Variants in PARD3B observed in about 807,000 individuals in gnomAD.
The protein encoded by PARD3B is par-3 family cell polarity regulator beta, also known as partitioning defective 3 homolog B.
A neutral mutation model predicts 130.2 loss-of-function variants in PARD3B; 103 were observed. The ratio of observed to expected loss-of-function variants is 0.79; its 90% CI spans 0.67 to 0.93. PARD3B has a LOEUF of 0.93. Among genes scored for constraint, PARD3B ranks in the 40% least tolerant of loss-of-function variants. The pLI, the probability that PARD3B is intolerant of heterozygous loss-of-function variation, is 0.00. For missense variants in PARD3B, 1,609 were observed against 1,499.2 expected, an observed-to-expected ratio of 1.07 and a Z score of -1.21; for synonymous variants, 583 against 553.2, an observed-to-expected ratio of 1.05 and a Z score of -0.76.
Position 205,321,308 on chromosome 2 carries a change from A to AT in PARD3B, c.2630+19614dup, listed in dbSNP as rs1050201227. Among the ~76,000 whole-genome samples the AT allele has an allele frequency of 3.3e-5, 5 of 152,152 alleles. No individual in the cohort carries two copies. Among genetic ancestry groups the AT allele is most frequent in the Non-Finnish European group, 5.9e-5 (4 of 68,012 alleles). On this transcript the variant is annotated intron_variant, in intron 18 of 22. Coordinates refer to ENST00000406610, the MANE Select transcript of PARD3B (RefSeq NM_001302769.2). The surrounding 1 kb of genome is among the most constrained non-coding windows in gnomAD (Gnocchi z 4.2). ...ATGTCTTTTTAACCTCAAAACTTAG[A>AT]TTTTTTTAAAGTTTGTATTATGAAA...
rs189011166 is a variant in PARD3B, at chr2:205,323,272, T to A, written c.2630+21571T>A. On this transcript the variant is annotated intron_variant, in intron 18 of 22. Transcript: ENST00000406610. ...GATAGCACTGTAAGTGTTTTAAGAA[T>A]GTGGATATGTCATCACTTTTACAGC... 2.6e-3 allele frequency among the ~76,000 whole-genome samples: 400 copies of A among 152,246 alleles called. 3 individuals carry two copies. Among genetic ancestry groups the A allele is most frequent in the African/African-American group, 9.3e-3 (387 of 41,534 alleles).
chr2:205,615,628 C>A lies in PARD3B; in HGVS notation c.3433C>A (p.Pro1145Thr), dbSNP rs757379037. The A allele has an allele frequency of 5.6e-6, 9 of 1,613,956 alleles. No individual in the cohort carries two copies. In the African/African-American group the frequency reaches 8.0e-5, roughly 14 times the overall value. ...TCTCCGGTATCCTCAGCACTACCCACCCCCGCCAGCTCCCCAGCACAAAGG... is the reference window on the plus strand; with the variant it reads ...TCTCCGGTATCCTCAGCACTACCCAACCCCGCCAGCTCCCCAGCACAAAGG... ...ADLRYPQHYP[P>T]PPAPQHKGPF... The change falls in exon 23 of 23, where the codon CCC becomes ACC. Residue 1145 changes from proline (P) to threonine (T), a missense_variant. Pro to Thr is a conservative substitution (Grantham distance 38, BLOSUM62 -1). Transcript: ENST00000406610.
intron 1 of PARD3B, among the ~76,000 whole-genome samples, chr2:204,651,784 T>A (rs4591325): frequency 0.8 from 121,848 of 152,162 alleles, 49,039 homozygotes; most frequent in Middle Eastern, 0.89. Context: ...AGGCATTTCC[T>A]TACATTATCT....
intron 15 of PARD3B, among the ~76,000 whole-genome samples, chr2:205,219,872 A>G (rs1262218528): frequency 2.0e-5 from 3 of 152,166 alleles, no homozygotes; most frequent in Admixed American, 1.3e-4. Flanking sequence ...AAGAGAGCAG[A>G]CATGGTTTTC....
intron 2 of PARD3B, among the ~76,000 whole-genome samples, chr2:204,775,612 A>T (rs1379331204): frequency 6.6e-6 from 1 of 152,154 alleles, no homozygotes; most frequent in Non-Finnish European, 1.5e-5. Context: ...GTTCTTAATG[A>T]TGATCCCATT....
chr2:204,948,817 G>T (rs764149064), intron 2 of PARD3B, among the ~76,000 whole-genome samples: 12 of 152,230 alleles, frequency 7.9e-5, no homozygotes, highest in Admixed American at 3.3e-4. Context: ...GACTTCCAGG[G>T]TTTGGGGAAG....
intron 2 of PARD3B, among the ~76,000 whole-genome samples, chr2:204,811,479 A>G (rs1318389335): frequency 6.6e-6 from 1 of 152,166 alleles, no homozygotes; most frequent in Non-Finnish European, 1.5e-5. Flanking sequence ...AGAAGTTGAC[A>G]TGACTTGTAG....
At position 205,470,447 on chromosome 2, in the gene PARD3B, T is replaced by C. The variant is rs1184478306; in HGVS notation, c.3045-29449T>C. On this transcript the variant is annotated intron_variant, in intron 20 of 22. Coordinates refer to ENST00000406610, the MANE Select transcript of PARD3B (RefSeq NM_001302769.2). The surrounding 1 kb of genome is among the most constrained non-coding windows in gnomAD (Gnocchi z 4.8). ...TCCACTGTCAGATGACTCCCTCTGCTCACCCCTGCAGGAGTATTTAAGCTT... is the reference window on the plus strand; with the variant it reads ...TCCACTGTCAGATGACTCCCTCTGCCCACCCCTGCAGGAGTATTTAAGCTT... 6.6e-6 allele frequency among the ~76,000 whole-genome samples: 1 copy of C among 152,166 alleles called. No individual in the cohort carries two copies. The highest frequency in any genetic ancestry group is 1.9e-4 in the East Asian group (1 of 5,192).
At chr2:205,490,207 C>T (rs1322376664) in intron 20 of PARD3B, among the ~76,000 whole-genome samples, 1 of 152,020 alleles carries the variant, frequency 6.6e-6, no homozygotes, top group African/African-American at 2.4e-5. Context: ...TCGTGTGCTG[C>T]ACCCGTTAAC....
At chr2:205,422,770 T>A (rs2047013739) in intron 19 of PARD3B, among the ~76,000 whole-genome samples, 2 of 152,188 alleles carry the variant, frequency 1.3e-5, no homozygotes, top group Admixed American at 6.5e-5. Context: ...AAAGGGCCAC[T>A]AGGTAGGCCA....
intron 1 of PARD3B, among the ~76,000 whole-genome samples, chr2:204,604,272 A>C (rs2033624873): frequency 6.6e-6 from 1 of 152,156 alleles, no homozygotes; most frequent in South Asian, 2.1e-4. Context: ...TAGAGAAGGA[A>C]GGGTGAGGGG....
In PARD3B at chr2:204,591,199, T is replaced by G. The variant is rs1329241483; in HGVS notation, c.120+45080T>G. ...CAATTTATCCTTGTAAATAAAATAA[T>G]TCTAAGTGTGCATGTATATGTTTAT... On this transcript the variant is annotated intron_variant, in intron 1 of 22. Transcript: ENST00000406610. 2.0e-5 allele frequency among the ~76,000 whole-genome samples: 3 copies of G among 152,226 alleles called. No individual in the cohort carries two copies. The East Asian group carries it at 5.8e-4, about 29-fold the overall frequency.
Position 205,568,761 on chromosome 2 carries a change from G to A in PARD3B, c.3260+15358G>A, listed in dbSNP as rs1350189697. 8.5e-5 allele frequency among the ~76,000 whole-genome samples: 13 copies of A among 152,126 alleles called. No homozygotes were observed. Among genetic ancestry groups the A allele is most frequent in the African/African-American group, 1.2e-4 (5 of 41,408 alleles). On this transcript the variant is annotated intron_variant, in intron 22 of 22. Coordinates refer to ENST00000406610, the MANE Select transcript of PARD3B (RefSeq NM_001302769.2). This position sits in a 1 kb window ranked among gnomAD's most constrained non-coding sequence, Gnocchi z 5.3. The stretch of plus-strand genomic sequence containing the variant: ...TGGCCCTGGTCGTGTGTCTTCCATG[G>A]TCTCCACAGTCTCACCTTAGCCTCA...
chr2:204,741,894 G>C (rs572152495), intron 2 of PARD3B, among the ~76,000 whole-genome samples: 1 of 152,136 alleles, frequency 6.6e-6, no homozygotes, highest in East Asian at 1.9e-4. Flanking sequence ...CCCCTGAGCT[G>C]TAACAATAGG....
intron 19 of PARD3B, among the ~76,000 whole-genome samples, chr2:205,435,853 T>A (rs2047495448): frequency 6.6e-6 from 1 of 152,212 alleles, no homozygotes; most frequent in Non-Finnish European, 1.5e-5. Context: ...CTTAGTTTTA[T>A]ATTTAAATGA....
chr2:205,414,830 A>G lies in PARD3B; in HGVS notation c.2741+13707A>G, dbSNP rs150993881. ...AAAGAAAGTTTCAAGTGCTAAAAAT[A>G]TATATATTCTAGGCACTTAAAGATA... On this transcript the variant is annotated intron_variant, in intron 19 of 22. Transcript: ENST00000406610. 4.0e-3 allele frequency among the ~76,000 whole-genome samples: 607 copies of G among 152,230 alleles called. 7 individuals carry two copies. Among genetic ancestry groups the G allele is most frequent in the African/African-American group, 0.013 (559 of 41,550 alleles).
intron 22 of PARD3B, among the ~76,000 whole-genome samples, chr2:205,601,861 CT>C (rs2054799047): frequency 6.6e-6 from 1 of 152,118 alleles, no homozygotes; most frequent in African/African-American, 2.4e-5. Flanking sequence ...TTTAAATACC[CT>C]TTATTTCTTT....
At chr2:205,612,300 G>A (rs1165568072) in intron 22 of PARD3B, among the ~76,000 whole-genome samples, 2 of 152,010 alleles carry the variant, frequency 1.3e-5, no homozygotes, top group African/African-American at 4.8e-5. Context: ...TTATAGGCAT[G>A]CACCACCACG....
chr2:204,784,711 A>G (rs2041948686), intron 2 of PARD3B, among the ~76,000 whole-genome samples: 1 of 152,204 alleles, frequency 6.6e-6, no homozygotes, highest in African/African-American at 2.4e-5. Context: ...GTTTAAGGCC[A>G]CTTATTTACA....
Sources: allele counts gnomAD v4.1 joint callset (sites outside exome capture counted in the v4.1 genomes callset), GRCh38; gene constraint gnomAD v4.1.1; non-coding constraint Gnocchi (gnomAD v3.1); transcripts MANE v1.5; gene names NCBI Gene and HGNC (gene_info 2026-07-23, HGNC 2026-07-21).